The following HMGB1 variants were observed in gnomAD, a reference collection of about 807,000 sequenced individuals.
HMGB1 encodes the protein high mobility group protein B1.
For synonymous variants in HMGB1, 81 were observed against 84.0 expected, an observed-to-expected ratio of 0.96 and a Z score of 0.19; for missense variants, 79 against 253.5, an observed-to-expected ratio of 0.31 and a Z score of 4.67.
chr13:30,553,765 A>T, intron 1 of HMGB1: 1 of 1,299,978 alleles, frequency 7.7e-7, no homozygotes, highest in Non-Finnish European at 1.1e-6. Context: ...TCCCATGACT[A>T]TCTTCATAGA....
At chr13:30,581,718 G>T (rs1431566506) in intron 1 of HMGB1, among the ~76,000 whole-genome samples, 1 of 152,182 alleles carries the variant, frequency 6.6e-6, no homozygotes, top group Non-Finnish European at 1.5e-5. Flanking sequence ...TTGATAGAAG[G>T]CCATCTTAAC....
chr13:30,607,620 C>T (rs563097535), intron 1 of HMGB1, among the ~76,000 whole-genome samples: 1 of 152,248 alleles, frequency 6.6e-6, no homozygotes, highest in East Asian at 1.9e-4. Context: ...ATACAATCAC[C>T]TTATGGTAAG....
At chr13:30,538,715 CTTCT>C (rs1336260711) in intron 1 of HMGB1, among the ~76,000 whole-genome samples, 3 of 78,900 alleles carry the variant, frequency 3.8e-5, no homozygotes, top group East Asian at 6.5e-4. Flanking sequence ...TTCTTTCTTT[CTTCT>C]TTTTCTTTCT....
intron 1 of HMGB1, among the ~76,000 whole-genome samples, chr13:30,529,582 GT>G (rs1418674858): frequency 6.6e-6 from 1 of 152,164 alleles, no homozygotes; most frequent in African/African-American, 2.4e-5. Context: ...GCACTGCTGG[GT>G]GATGAACGCA....
intron 1 of HMGB1, among the ~76,000 whole-genome samples, chr13:30,561,511 G>A (rs1305777042): frequency 6.6e-6 from 1 of 152,152 alleles, no homozygotes; most frequent in Non-Finnish European, 1.5e-5. Context: ...GAAGGACACT[G>A]CTGCCAAGTA....
At chr13:30,571,158 G>GAT (rs989485701) in intron 1 of HMGB1, among the ~76,000 whole-genome samples, 6 of 152,134 alleles carry the variant, frequency 3.9e-5, no homozygotes, top group African/African-American at 1.2e-4. Context: ...GAAAATTTGT[G>GAT]ATATATATAG....
At chr13:30,500,366 T>C (rs536847535) in intron 1 of HMGB1, among the ~76,000 whole-genome samples, 7 of 152,146 alleles carry the variant, frequency 4.6e-5, no homozygotes, top group Middle Eastern at 6.8e-3. Context: ...TTGAGTATGA[T>C]ATTCTTGTGT....
chr13:30,471,432 C>T (rs1308864141), intron 1 of HMGB1, among the ~76,000 whole-genome samples: 1 of 151,728 alleles, frequency 6.6e-6, no homozygotes, highest in Admixed American at 6.6e-5. Flanking sequence ...ACTGCAACCT[C>T]TGTCTCCCAG....
At chr13:30,483,073 G>A (rs976225692) in intron 1 of HMGB1, among the ~76,000 whole-genome samples, 1 of 151,822 alleles carries the variant, frequency 6.6e-6, no homozygotes, top group Non-Finnish European at 1.5e-5. Flanking sequence ...GAATTATAGT[G>A]TGAGCCACCA....
At chr13:30,489,496 C>T (rs1457335514) in intron 1 of HMGB1, among the ~76,000 whole-genome samples, 1 of 152,132 alleles carries the variant, frequency 6.6e-6, no homozygotes, top group Non-Finnish European at 1.5e-5. Context: ...AGGATTTGTT[C>T]GGTACATATT....
chr13:30,568,405 G>C (rs1412264698), intron 1 of HMGB1, among the ~76,000 whole-genome samples: 1 of 152,136 alleles, frequency 6.6e-6, no homozygotes, highest in Non-Finnish European at 1.5e-5. Flanking sequence ...TACTTGAGAG[G>C]CTGAGGCAGA....
chr13:30,602,336 A>T (rs1461479525), intron 1 of HMGB1, among the ~76,000 whole-genome samples: 4 of 152,202 alleles, frequency 2.6e-5, no homozygotes, highest in Non-Finnish European at 1.5e-5. Flanking sequence ...CAGCCACATG[A>T]ACAGAACCAG....
chr13:30,517,282 G>GGTGATGT (rs1888122523), intron 1 of HMGB1, among the ~76,000 whole-genome samples: 1 of 152,228 alleles, frequency 6.6e-6, no homozygotes, highest in South Asian at 2.1e-4. Flanking sequence ...CTGCTGTCCA[G>GGTGATGT]GAAGCCTATT....
intron 1 of HMGB1, among the ~76,000 whole-genome samples, chr13:30,478,871 C>CT (rs3042542): frequency 0.32 from 40,286 of 125,922 alleles, 6,612 homozygotes; most frequent in Middle Eastern, 0.45. Flanking sequence ...CTTTTCTTTT[C>CT]TTTTTTTTTT....
At chr13:30,474,959 G>GTTTGTTTTTTT (rs1224684054) in intron 1 of HMGB1, among the ~76,000 whole-genome samples, 1 of 64,032 alleles carries the variant, frequency 1.6e-5, no homozygotes, top group Non-Finnish European at 2.6e-5. Flanking sequence ...TTCTTTTTTT[G>GTTTGTTTTTTT]TTTTTTTTTT....
chr13:30,580,014 T>G (rs1463308966), intron 1 of HMGB1, among the ~76,000 whole-genome samples: 1 of 152,200 alleles, frequency 6.6e-6, no homozygotes, highest in Non-Finnish European at 1.5e-5. Context: ...ACAATCTTAC[T>G]TAAGACGAAA....
In HMGB1 at chr13:30,559,224, G is replaced by A. The variant is rs780957655; in HGVS notation, c.-15+57447C>T. Among the ~76,000 whole-genome samples, 3 of 152,098 alleles carry A rather than the reference G, an allele frequency of 2.0e-5. No homozygotes were observed. The highest frequency in any genetic ancestry group is 3.9e-4 in the East Asian group (2 of 5,180). On this transcript the variant is annotated intron_variant, in intron 1 of 4. Coordinates refer to the HMGB1 transcript ENST00000405805. The surrounding 1 kb of genome is among the most constrained non-coding windows in gnomAD (Gnocchi z 6.6). Reference sequence around the variant, plus strand: ...CTTAGATCATTCCTTACCAAGGTACGTTAGGCACTGGCCTCACTCCAAGGC... The same window carrying A: ...CTTAGATCATTCCTTACCAAGGTACATTAGGCACTGGCCTCACTCCAAGGC...
chr13:30,464,672 G>C, intron 1 of HMGB1: 1 of 980,210 alleles, frequency 1.0e-6, no homozygotes, highest in East Asian at 1.2e-4. Flanking sequence ...GCCGGGGCCG[G>C]CGCGCACGGA....
At chr13:30,548,013 T>A (rs1869242155) in intron 1 of HMGB1, among the ~76,000 whole-genome samples, 1 of 152,224 alleles carries the variant, frequency 6.6e-6, no homozygotes, top group African/African-American at 2.4e-5. Flanking sequence ...TGTTGCATTT[T>A]ATCTAATGGT....
Sources: gnomAD v4.1 joint callset for allele counts (sites outside exome capture counted in the v4.1 genomes callset) on GRCh38, gnomAD v4.1.1 for gene constraint, Gnocchi (gnomAD v3.1) non-coding constraint, MANE v1.5 for transcripts, NCBI Gene and HGNC (gene_info 2026-07-23, HGNC 2026-07-21) for gene names.